The following SLC3A1 variants were observed in gnomAD, a reference collection of about 807,000 sequenced individuals.
SLC3A1 encodes the protein amino acid transporter heavy chain SLC3A1.
A neutral mutation model predicts 60.3 loss-of-function variants in SLC3A1; 78 were observed. That is an observed-to-expected ratio of 1.29 (90% CI 1.08 to 1.56). The LOEUF is 1.56. Ranked by LOEUF, SLC3A1 falls within the 40% of genes most tolerant of loss-of-function variation. The pLI, the probability that SLC3A1 is intolerant of heterozygous loss-of-function variation, is 0.00. For synonymous variants in SLC3A1, 392 were observed against 307.9 expected, an observed-to-expected ratio of 1.27 and a Z score of -2.86; for missense variants, 1,172 against 858.9, an observed-to-expected ratio of 1.36 and a Z score of -4.56.
intron 6 of SLC3A1, 192 bp from the exon 7 acceptor site, chr2:44,303,951 G>T (rs527857057): frequency 1.8e-4 from 117 of 665,098 alleles, no homozygotes; most frequent in South Asian, 1.5e-3. Flanking sequence ...TGGTGTGTAT[G>T]TGCCACATTT....
At position 44,317,735 on chromosome 2, in the gene SLC3A1, AATT is replaced by A. The variant is rs1195731347; in HGVS notation, c.1618-2461_1618-2459del. The A allele has an allele frequency of 1.4e-4, 21 of 152,506 alleles. No homozygotes were observed. In the East Asian group the frequency reaches 4.0e-3, roughly 29 times the overall value. 9.4% of individuals were successfully genotyped at this position (152,506 alleles called of 1,614,324 possible). The stretch of plus-strand genomic sequence containing the variant: ...TTTTCAAAGAATACTAGAAGAAAAA[AATT>A]ATACAGTCAATCCAACAAAAAGCTT... On this transcript the variant is annotated intron_variant, in intron 9 of 9. Coordinates refer to ENST00000260649, the MANE Select transcript of SLC3A1 (RefSeq NM_000341.4).
rs913778939 is a variant in SLC3A1 at position 44,278,380 on chromosome 2, G to A, written c.431-2336G>A. ...GGAGAATGGCGTGAACCCAGGAGGCGGAGGTTGCAGTGAGCTAAGATCGCA... is the reference window on the plus strand; with the variant it reads ...GGAGAATGGCGTGAACCCAGGAGGCAGAGGTTGCAGTGAGCTAAGATCGCA... On this transcript the variant is annotated intron_variant, in intron 1 of 9. Transcript: ENST00000260649. Among the ~76,000 whole-genome samples, 6 of 151,952 alleles carry A rather than the reference G, an allele frequency of 3.9e-5. 1 individual carries two copies. The highest frequency in any genetic ancestry group is 2.1e-4 in the South Asian group (1 of 4,822).
At chr2:44,307,472 G>T (rs1672186171) in intron 7 of SLC3A1, among the ~76,000 whole-genome samples, 1 of 151,838 alleles carries the variant, frequency 6.6e-6, no homozygotes, top group South Asian at 2.1e-4. Flanking sequence ...TGTTACGAGG[G>T]TTCCAATTTT....
intron 4 of SLC3A1, among the ~76,000 whole-genome samples, chr2:44,299,031 CTTTTTTTTTT>C (rs3074475): frequency 5.6e-5 from 7 of 124,370 alleles, no homozygotes; most frequent in Admixed American, 3.3e-4. Context: ...ATGTAGATTC[CTTTTTTTTTT>C]TTTTTTTTTT....
chr2:44,316,884 CAT>C (rs1455266292), intron 9 of SLC3A1, among the ~76,000 whole-genome samples: 3 of 152,218 alleles, frequency 2.0e-5, no homozygotes, highest in South Asian at 2.1e-4. Flanking sequence ...TCCAACAAAA[CAT>C]AACAATTCTA....
chr2:44,308,547 G>A (rs6721421), intron 7 of SLC3A1, among the ~76,000 whole-genome samples: 116,991 of 152,044 alleles, frequency 0.77, 45,935 homozygotes, highest in African/African-American at 0.86. Context: ...TTTTTGTTCA[G>A]TTTATTCCTA....
chr2:44,312,589 G>A lies in SLC3A1; in HGVS notation c.1336G>A (p.Gly446Ser), dbSNP rs139377923. The change falls in exon 8 of 10, where the codon GGT (glycine) becomes AGT (serine). Residue 446 changes from glycine to serine, a missense_variant. Coordinates refer to ENST00000260649, the MANE Select transcript of SLC3A1 (RefSeq NM_000341.4). ...PEGKWPNWMI[G>S]GPDSSRLTSR... ...CTTAAAAATATCTGCCTTTCAGATT[G>A]GTGGACCAGACAGTTCACGGCTGAC... 5.0e-5 allele frequency: 80 copies of A among 1,613,682 alleles called. No homozygotes were observed. The highest frequency in any genetic ancestry group is 2.8e-4 in the African/African-American group (21 of 74,900).
In SLC3A1 at chr2:44,280,697, CTT is replaced by C; in HGVS notation, c.431-17_431-16del. 2 of 1,577,012 alleles carry C rather than the reference CTT, an allele frequency of 1.3e-6. No homozygotes were observed. Among genetic ancestry groups the C allele is most frequent in the Non-Finnish European group, 1.7e-6 (2 of 1,147,630 alleles). On this transcript the variant is annotated splice_polypyrimidine_tract_variant and intron_variant, in intron 1 of 9. Coordinates refer to ENST00000260649, the MANE Select transcript of SLC3A1 (RefSeq NM_000341.4). ...AAAACAAAGTAGGGTTTATTCATGA[CTT>C]TGACTTTTTTCTTCAGGTATTCAAG...
intron 9 of SLC3A1, chr2:44,317,751 C>CAACAAAAAGCTTAATAGAAAA (rs1410841023): frequency 6.6e-6 from 1 of 151,376 alleles, no homozygotes; most frequent in Non-Finnish European, 1.5e-5. Context: ...ACAGTCAATC[C>CAACAAAAAGCTTAATAGAAAA]AACAAAAAGC....
chr2:44,301,256 C>G, intron 6 of SLC3A1, 129 bp downstream of exon 6: 3 of 1,241,362 alleles, frequency 2.4e-6, no homozygotes, highest in Non-Finnish European at 3.5e-6. Flanking sequence ...TAATTGATTA[C>G]AGTTTGGTTG....
intron 4 of SLC3A1, among the ~76,000 whole-genome samples, chr2:44,296,915 C>A (rs1283228012): frequency 6.6e-6 from 1 of 152,126 alleles, no homozygotes; most frequent in African/African-American, 2.4e-5. Flanking sequence ...ACTCTCTCGC[C>A]TGCTGTCATG....
intron 3 of SLC3A1, among the ~76,000 whole-genome samples, chr2:44,284,648 G>A (rs143593325): frequency 2.6e-5 from 4 of 151,912 alleles, no homozygotes; most frequent in African/African-American, 2.4e-5. Flanking sequence ...CTGCAGTCTC[G>A]AGCTCCTAGG....
At chr2:44,318,215 C>G (rs1471158825) in intron 9 of SLC3A1, 1 of 384,012 alleles carries the variant, frequency 2.6e-6, no homozygotes, top group African/African-American at 2.2e-5. Context: ...TGCAGCCTCC[C>G]AAGTAGCTGG....
intron 6 of SLC3A1, 84 bp from the exon 7 acceptor site, chr2:44,304,059 G>A (rs571152429): frequency 1.5e-5 from 15 of 1,017,188 alleles, no homozygotes; most frequent in Non-Finnish European, 2.4e-5. Context: ...CCTACATCTT[G>A]TACATGCAAG....
chr2:44,276,314 G>A (rs1410689003), intron 1 of SLC3A1, among the ~76,000 whole-genome samples: 1 of 152,184 alleles, frequency 6.6e-6, no homozygotes, highest in East Asian at 1.9e-4. Flanking sequence ...AGTTGAATAT[G>A]TCAGGGTGGC....
intron 9 of SLC3A1, chr2:44,319,223 C>T (rs532883781): frequency 6.5e-6 from 1 of 152,738 alleles, no homozygotes; most frequent in African/African-American, 2.4e-5. Context: ...ACAATAACAA[C>T]TATCACCCCA....
rs1308988780 is a variant in SLC3A1 at position 44,301,342 on chromosome 2, A to G, written c.1136+215A>G. 7.9e-5 allele frequency: 52 copies of G among 656,144 alleles called. No homozygotes were observed. In the South Asian group the frequency reaches 9.1e-4, roughly 11 times the overall value. The allele number at this position is 656,144 out of a possible 1,614,324, so 40.6% of individuals were successfully genotyped here. ...AGTTTCCTCTTTTGTAAAATGATGC[A>G]GATCACACTACGTACTTCACAGGAG... is the stretch of plus-strand genomic sequence containing the variant. On this transcript the variant is annotated intron_variant, in intron 6 of 9. Transcript: ENST00000260649.
At chr2:44,280,679 A>G (rs1255954016) in intron 1 of SLC3A1, 37 bp from the exon 2 acceptor site, 1 of 1,464,532 alleles carries the variant, frequency 6.8e-7, no homozygotes, top group East Asian at 2.3e-5. Context: ...ACTAAAACAA[A>G]GTAGGGTTTA....
intron 4 of SLC3A1, among the ~76,000 whole-genome samples, chr2:44,289,208 TC>T (rs1251651002): frequency 6.6e-6 from 1 of 150,584 alleles, no homozygotes; most frequent in African/African-American, 2.4e-5. Flanking sequence ...TTTTTCTTTT[TC>T]TTTTTTTCTT....
Sources: allele counts gnomAD v4.1 joint callset (sites outside exome capture counted in the v4.1 genomes callset), GRCh38; gene constraint gnomAD v4.1.1; transcripts MANE v1.5; gene names NCBI Gene and HGNC (gene_info 2026-07-23, HGNC 2026-07-21).